The following PTPRD variants were observed in gnomAD, a reference collection of about 807,000 sequenced individuals.
PTPRD encodes the protein receptor-type tyrosine-protein phosphatase delta.
A neutral mutation model predicts 214.5 loss-of-function variants in PTPRD; 34 were observed. That is an observed-to-expected ratio of 0.16 (90% CI 0.12 to 0.21). The LOEUF is 0.21. Ranked by LOEUF, PTPRD falls within the 10% of genes least tolerant of loss-of-function variation. The pLI, the probability that PTPRD is intolerant of heterozygous loss-of-function variation, is 1.00. For missense variants in PTPRD, 2,545 were observed against 2,398.7 expected, an observed-to-expected ratio of 1.06 and a Z score of -1.27; for synonymous variants, 1,128 against 845.7, an observed-to-expected ratio of 1.33 and a Z score of -5.79.
chr9:9,241,835 C>T (rs1239774052), intron 9 of PTPRD, among the ~76,000 whole-genome samples: 1 of 151,584 alleles, frequency 6.6e-6, no homozygotes, highest in Non-Finnish European at 1.5e-5. Context: ...GAGCATTTAG[C>T]CCATTTACAC....
At chr9:9,905,548 G>A (rs1199948039) in intron 5 of PTPRD, among the ~76,000 whole-genome samples, 3 of 151,750 alleles carry the variant, frequency 2.0e-5, no homozygotes, top group Non-Finnish European at 4.4e-5. Flanking sequence ...TTCAATAAAG[G>A]AAATTTTATA....
intron 26 of PTPRD, 70 bp from the exon 27 acceptor site, chr9:8,493,049 G>A (rs985025877): frequency 6.9e-5 from 91 of 1,310,166 alleles, no homozygotes; most frequent in South Asian, 4.8e-4. Context: ...AAACAAGGCC[G>A]TCTGCCTTCA....
intron 2 of PTPRD, among the ~76,000 whole-genome samples, chr9:10,376,012 C>G (rs2097721293): frequency 6.6e-6 from 1 of 151,952 alleles, no homozygotes; most frequent in African/African-American, 2.4e-5. Context: ...GTCATACACT[C>G]TTATTCACAC....
intron 14 of PTPRD, among the ~76,000 whole-genome samples, chr9:8,595,949 T>C (rs2094453332): frequency 6.6e-6 from 1 of 152,206 alleles, no homozygotes. Context: ...GCCTATGCCA[T>C]TGTATATCGC....
At chr9:8,696,936 T>C (rs2097922754) in intron 12 of PTPRD, among the ~76,000 whole-genome samples, 1 of 151,956 alleles carries the variant, frequency 6.6e-6, no homozygotes, top group African/African-American at 2.4e-5. Flanking sequence ...TACCTTGAAC[T>C]TTCCAATAAC....
intron 11 of PTPRD, among the ~76,000 whole-genome samples, chr9:8,814,461 C>G (rs1451717110): frequency 6.6e-6 from 1 of 152,104 alleles, no homozygotes; most frequent in African/African-American, 2.4e-5. Context: ...AAACCTGAAG[C>G]TGAGACCAAT....
intron 3 of PTPRD, among the ~76,000 whole-genome samples, chr9:10,147,267 T>G (rs975718679): frequency 2.1e-4 from 31 of 150,534 alleles, no homozygotes; most frequent in Admixed American, 7.5e-4. Context: ...TATAGTTCTT[T>G]TTTTTTATTA....
chr9:8,530,489 T>G (rs186191240), intron 14 of PTPRD, among the ~76,000 whole-genome samples: 1 of 152,082 alleles, frequency 6.6e-6, no homozygotes, highest in Non-Finnish European at 1.5e-5. Context: ...AGAGCTACCA[T>G]AGCAGCGGCT....
chr9:9,501,497 A>C (rs2096412605), intron 8 of PTPRD, among the ~76,000 whole-genome samples: 3 of 151,988 alleles, frequency 2.0e-5, no homozygotes. Flanking sequence ...AGTGTGAAAT[A>C]GACAACTAGC....
At chr9:9,005,767 T>C (rs947525911) in intron 11 of PTPRD, among the ~76,000 whole-genome samples, 1 of 152,014 alleles carries the variant, frequency 6.6e-6, no homozygotes, top group African/African-American at 2.4e-5. Context: ...CCTTTTTCTT[T>C]TCAGACGAGG....
intron 7 of PTPRD, among the ~76,000 whole-genome samples, chr9:9,679,800 T>C (rs1302583461): frequency 6.6e-6 from 1 of 151,894 alleles, no homozygotes; most frequent in Admixed American, 6.6e-5. Context: ...CAAAGATGTT[T>C]TGATTAAAAA....
At chr9:9,819,074 A>C (rs2049803710) in intron 5 of PTPRD, among the ~76,000 whole-genome samples, 1 of 152,150 alleles carries the variant, frequency 6.6e-6, no homozygotes, top group Admixed American at 6.6e-5. Context: ...CCTGATAGGT[A>C]GCATATATTT....
intron 3 of PTPRD, among the ~76,000 whole-genome samples, chr9:10,147,126 AT>A (rs1219118324): frequency 6.6e-6 from 1 of 152,182 alleles, no homozygotes; most frequent in African/African-American, 2.4e-5. Context: ...GATCTAGAGT[AT>A]TTTATATGGA....
chr9:9,159,005 A>T (rs1248621247), intron 10 of PTPRD, among the ~76,000 whole-genome samples: 4 of 152,202 alleles, frequency 2.6e-5, no homozygotes, highest in Non-Finnish European at 5.9e-5. Flanking sequence ...GACAAAATTC[A>T]ACACTCTTTC....
chr9:8,834,464 A>T (rs919919473), intron 11 of PTPRD, among the ~76,000 whole-genome samples: 6 of 152,136 alleles, frequency 3.9e-5, no homozygotes, highest in African/African-American at 1.4e-4. Flanking sequence ...TGTTATTAAC[A>T]ACTACTTGTT....
intron 7 of PTPRD, among the ~76,000 whole-genome samples, chr9:9,722,771 G>A (rs1278967626): frequency 1.3e-5 from 2 of 152,030 alleles, no homozygotes; most frequent in Non-Finnish European, 2.9e-5. Context: ...TGGGTGAGAA[G>A]CAGTACCTTG....
chr9:8,821,681 C>T (rs77455504), intron 11 of PTPRD, among the ~76,000 whole-genome samples: 19,051 of 152,122 alleles, frequency 0.13, 3,513 homozygotes, highest in African/African-American at 0.4. Context: ...CCTTCAACTT[C>T]AGGAAACAGA....
intron 5 of PTPRD, among the ~76,000 whole-genome samples, chr9:9,788,443 T>TG (rs1219629671): frequency 6.9e-6 from 1 of 144,148 alleles, no homozygotes; most frequent in Non-Finnish European, 1.5e-5. Flanking sequence ...TCCCAGCTGC[T>TG]GGGGAGGCTG....
rs537932920 is a variant in PTPRD at position 9,635,141 on chromosome 9, C to G, written c.-286-60360G>C. On this transcript the variant is annotated intron_variant, in intron 7 of 45. Transcript: ENST00000381196. ...GCTAAGAAGGACATCTGTAGCCACA[C>G]AAACTGGAATAAGCCTATAAAGCTT... is the stretch of plus-strand genomic sequence containing the variant. Among the ~76,000 whole-genome samples the G allele has an allele frequency of 3.3e-5, 5 of 152,274 alleles. No homozygotes were observed. The South Asian group carries it at 1.0e-3, about 32-fold the overall frequency.
Sources: gnomAD v4.1 joint callset for allele counts (sites outside exome capture counted in the v4.1 genomes callset) on GRCh38, gnomAD v4.1.1 for gene constraint, MANE v1.5 for transcripts, NCBI Gene and HGNC (gene_info 2026-07-23, HGNC 2026-07-21) for gene names.